Variants in FAM120A observed in about 807,000 individuals in gnomAD.
FAM120A encodes the protein constitutive coactivator of PPAR-gamma-like protein 1.
A neutral mutation model predicts 109.7 loss-of-function variants in FAM120A; 15 were observed. The ratio of observed to expected loss-of-function variants is 0.14; its 90% CI spans 0.09 to 0.21. FAM120A has a LOEUF of 0.21. Ranked by LOEUF, FAM120A falls within the 10% of genes least tolerant of loss-of-function variation. FAM120A has a pLI of 1.00. For missense variants in FAM120A, 899 were observed against 1,439.3 expected (o/e 0.62, Z 6.07); for synonymous variants, 493 against 572.8 (o/e 0.86, Z 1.99).
At chr9:93,457,595 G>A (rs1000469603) in intron 1 of FAM120A, among the ~76,000 whole-genome samples, 2 of 152,078 alleles carry the variant, frequency 1.3e-5, no homozygotes, top group African/African-American at 2.4e-5. Context: ...CATTTTAAAA[G>A]CCACGTAGGA....
Position 93,453,033 on chromosome 9 carries a change from T to A in FAM120A, c.474+644T>A, listed in dbSNP as rs1588762131. On this transcript the variant is annotated intron_variant, in intron 1 of 17. Coordinates refer to ENST00000277165, the MANE Select transcript of FAM120A (RefSeq NM_014612.5). ...CTTTCTATGGCTTTTTGTGTTAGAT[T>A]TCAAAGACCCGTGCACTTTGACAGG... 8.7e-6 allele frequency: 10 copies of A among 1,154,654 alleles called. No homozygotes were observed. In the East Asian group the frequency reaches 4.6e-4, roughly 53 times the overall value. 71.5% of individuals were successfully genotyped at this position (1,154,654 alleles called of 1,614,324 possible). A position where few individuals can be genotyped will look rare whatever the true frequency, so the allele number is the denominator to read the frequency against.
intron 2 of FAM120A, 127 bp from the exon 3 acceptor site, chr9:93,476,129 G>A: frequency 1.6e-6 from 1 of 621,250 alleles, no homozygotes; most frequent in South Asian, 2.0e-5. Flanking sequence ...TATGTTAAGA[G>A]ATGAAGATTT....
chr9:93,507,463 A>T (rs1860111887), intron 5 of FAM120A, among the ~76,000 whole-genome samples: 1 of 152,162 alleles, frequency 6.6e-6, no homozygotes, highest in African/African-American at 2.4e-5. Context: ...GGAGATGGGA[A>T]ACAGGCATTA....
At chr9:93,462,431 GCCACCACA>G (rs1433100150) in intron 1 of FAM120A, among the ~76,000 whole-genome samples, 8 of 152,084 alleles carry the variant, frequency 5.3e-5, no homozygotes, top group Non-Finnish European at 1.2e-4. Flanking sequence ...GCGTGCGCCT[GCCACCACA>G]CCCAGCTAAT....
chr9:93,510,515 C>T (rs1860268426), intron 5 of FAM120A, among the ~76,000 whole-genome samples: 1 of 152,208 alleles, frequency 6.6e-6, no homozygotes, highest in African/African-American at 2.4e-5. Flanking sequence ...GTAGAGTTCT[C>T]TTTTAGGTTG....
chr9:93,463,243 T>C (rs894366053), intron 1 of FAM120A, among the ~76,000 whole-genome samples: 4 of 152,214 alleles, frequency 2.6e-5, no homozygotes, highest in Admixed American at 2.6e-4. Flanking sequence ...CAGTGTCTCA[T>C]TGTGGTTTTG....
chr9:93,544,190 G>A (rs1861803884), intron 11 of FAM120A, among the ~76,000 whole-genome samples: 1 of 152,194 alleles, frequency 6.6e-6, no homozygotes, highest in African/African-American at 2.4e-5. Context: ...ATCCTTGGGA[G>A]CTGTCTTAGG....
intron 3 of FAM120A, among the ~76,000 whole-genome samples, chr9:93,486,157 T>C (rs1564321023): frequency 1.3e-5 from 2 of 151,986 alleles, no homozygotes; most frequent in Non-Finnish European, 2.9e-5. Context: ...TTTTTTTTTT[T>C]AGAGACAGGG....
chr9:93,465,559 C>A (rs561677759), intron 1 of FAM120A, among the ~76,000 whole-genome samples: 1 of 152,156 alleles, frequency 6.6e-6, no homozygotes, highest in East Asian at 1.9e-4. Flanking sequence ...GTATTGTCTT[C>A]TAGAATATTG....
chr9:93,464,324 A>G (rs1443273888), intron 1 of FAM120A, among the ~76,000 whole-genome samples: 1 of 152,216 alleles, frequency 6.6e-6, no homozygotes, highest in Non-Finnish European at 1.5e-5. Context: ...TTACCTAGGT[A>G]TATTTGGTAA....
intron 5 of FAM120A, among the ~76,000 whole-genome samples, chr9:93,505,611 G>A (rs12350863): frequency 6.6e-6 from 1 of 152,202 alleles, no homozygotes; most frequent in Non-Finnish European, 1.5e-5. Flanking sequence ...TCATGTCTGA[G>A]ATTTGCTTCA....
chr9:93,543,686 A>G (rs1029676082), intron 11 of FAM120A, among the ~76,000 whole-genome samples: 4 of 152,200 alleles, frequency 2.6e-5, no homozygotes, highest in African/African-American at 9.7e-5. Context: ...GTTTATAGGT[A>G]TATTTTGTAA....
chr9:93,482,960 A>G (rs1284700628), intron 3 of FAM120A, among the ~76,000 whole-genome samples: 1 of 152,240 alleles, frequency 6.6e-6, no homozygotes, highest in Non-Finnish European at 1.5e-5. Flanking sequence ...GAAGAGCTGT[A>G]GCATTTCAGG....
chr9:93,456,396 T>C (rs1206847519), intron 1 of FAM120A, among the ~76,000 whole-genome samples: 11 of 152,232 alleles, frequency 7.2e-5, no homozygotes, highest in Non-Finnish European at 1.6e-4. Flanking sequence ...ATAATGCTCT[T>C]ACATAAAATG....
chr9:93,460,414 T>C (rs942171419), intron 1 of FAM120A, among the ~76,000 whole-genome samples: 19 of 152,346 alleles, frequency 1.2e-4, no homozygotes, highest in African/African-American at 4.6e-4. Flanking sequence ...CAATCTCAGC[T>C]GACTGCAACC....
intron 1 of FAM120A, among the ~76,000 whole-genome samples, chr9:93,467,639 T>G (rs1858109195): frequency 6.6e-6 from 1 of 152,188 alleles, no homozygotes; most frequent in South Asian, 2.1e-4. Context: ...TGTGGTCCTT[T>G]ATCTTTTGTT....
rs752530779 is a variant in FAM120A at position 93,484,826 on chromosome 9, G to A, written c.804+8488G>A. Among the ~76,000 whole-genome samples the A allele has an allele frequency of 2.6e-5, 4 of 152,126 alleles. No individual in the cohort carries two copies. The South Asian group carries it at 6.2e-4, about 24-fold the overall frequency. On this transcript the variant is annotated intron_variant, in intron 3 of 17. Transcript: ENST00000277165. Reference sequence around the variant, plus strand: ...TGATCTCAGGTGATCCACCCGCCTCGGCCTCCCCAAAGTGCTGGGATTACA... The same window carrying A: ...TGATCTCAGGTGATCCACCCGCCTCAGCCTCCCCAAAGTGCTGGGATTACA...
Position 93,529,483 on chromosome 9 carries a change from C to G in FAM120A, c.1637C>G (p.Pro546Arg). The G allele has an allele frequency of 6.2e-7, 1 of 1,614,222 alleles. No individual in the cohort carries two copies. The highest frequency in any genetic ancestry group is 8.5e-7 in the Non-Finnish European group (1 of 1,180,034). Residue 546 changes from proline to arginine, a missense_variant, in exon 9 of 18, where the codon CCT (proline) becomes CGT (arginine). Physicochemically the swap from Pro to Arg is moderately radical, Grantham distance 103. Transcript: ENST00000277165. ...AGGAACCACATGGACATCACCACAC[C>G]TCCCCTGCCCCCCGTCGCACCTGAG... ...PTRNHMDITTPPLPPVAPEVL... is the reference protein window; with the variant it reads ...PTRNHMDITTRPLPPVAPEVL...
chr9:93,477,891 C>A (rs1858615081), intron 3 of FAM120A, among the ~76,000 whole-genome samples: 1 of 152,164 alleles, frequency 6.6e-6, no homozygotes. Flanking sequence ...TTGAGAAAAT[C>A]TTTAAGTATT....
Sources: gnomAD v4.1 joint callset for allele counts (sites outside exome capture counted in the v4.1 genomes callset) on GRCh38, gnomAD v4.1.1 for gene constraint, MANE v1.5 for transcripts, NCBI Gene and HGNC (gene_info 2026-07-23, HGNC 2026-07-21) for gene names.